Variants in AGO1 observed in about 807,000 individuals in gnomAD.
AGO1 encodes protein argonaute-1.
AGO1 carries 11 observed loss-of-function variants against 109.2 expected under a neutral mutation model. That is an observed-to-expected ratio of 0.10 (90% CI 0.06 to 0.17). The LOEUF (loss-of-function observed/expected upper bound fraction) is 0.17. Among genes scored for constraint, AGO1 ranks in the 10% least tolerant of loss-of-function variants. AGO1 has a pLI of 1.00. For missense variants in AGO1, 574 were observed against 1,140.3 expected (o/e 0.50, Z 7.15); for synonymous variants, 422 against 418.6 (o/e 1.01, Z -0.10).
Position 35,907,243 on chromosome 1 carries a change from T to C in AGO1, c.1582+124T>C, listed in dbSNP as rs545626765. ...GACCAGAGCTGTTACTTAATGTCAG[T>C]GCTCCTCTTATAGGAGAAATAGCAT... is the stretch of plus-strand genomic sequence containing the variant. On this transcript the variant is annotated intron_variant, in intron 12 of 18. Coordinates refer to ENST00000373204, the MANE Select transcript of AGO1 (RefSeq NM_012199.5). 32 of 866,110 alleles carry C rather than the reference T, an allele frequency of 3.7e-5. No homozygotes were observed. The South Asian group carries it at 7.6e-4, about 20-fold the overall frequency. The allele number at this position is 866,110 out of a possible 1,614,324, so 53.7% of individuals were successfully genotyped here. A position where few individuals can be genotyped will look rare whatever the true frequency, so the allele number is the denominator to read the frequency against.
intron 17 of AGO1, 35 bp downstream of exon 17, chr1:35,918,458 A>G: frequency 6.7e-7 from 1 of 1,502,964 alleles, no homozygotes; most frequent in Non-Finnish European, 9.3e-7. Context: ...CCAATGGGTC[A>G]AAGATGAGTT....
chr1:35,886,216 C>T (rs534707104), intron 1 of AGO1, among the ~76,000 whole-genome samples: 9 of 152,228 alleles, frequency 5.9e-5, no homozygotes, highest in South Asian at 4.2e-4. Context: ...TGTGCTGGGG[C>T]CCTCATCTGC....
chr1:35,911,070 G>GA lies in AGO1; in HGVS notation c.1583-2762dup, dbSNP rs150487636. ...AACAGAGGAAGACTCTGTCTCAAAA[G>GA]AAAAAAAAAATAATAATAATGCTTC... is the stretch of plus-strand genomic sequence containing the variant. On this transcript the variant is annotated intron_variant, in intron 12 of 18. Transcript: ENST00000373204. 7.0e-3 allele frequency among the ~76,000 whole-genome samples: 1,044 copies of GA among 148,556 alleles called. 9 individuals are homozygous for GA. The highest frequency in any genetic ancestry group is 0.022 in the African/African-American group (906 of 40,688).
intron 13 of AGO1, 72 bp from the exon 14 acceptor site, chr1:35,914,112 G>T: frequency 6.3e-7 from 1 of 1,593,206 alleles, no homozygotes. Flanking sequence ...GAGAAGAGCA[G>T]AGTGGGTACT....
In AGO1 at chr1:35,920,445, G is replaced by T. The variant is rs1366224993; in HGVS notation, c.*838G>T. The T allele has an allele frequency of 6.6e-6, 1 of 152,470 alleles. No homozygotes were observed. The allele number at this position is 152,470 out of a possible 1,614,324, so 9.4% of individuals were successfully genotyped here. ...TTTGTACCTTTCTTTGGGGAATGGG[G>T]TGGGGGTGGGAGAGGAGGTAGATGG... On this transcript the variant is annotated 3_prime_UTR_variant, in exon 19 of 19. Coordinates refer to ENST00000373204, the MANE Select transcript of AGO1 (RefSeq NM_012199.5).
In AGO1 at chr1:35,893,881, C is replaced by T. The variant is rs1372286675; in HGVS notation, c.649+71C>T. On this transcript the variant is annotated intron_variant, in intron 5 of 18. Coordinates refer to ENST00000373204, the MANE Select transcript of AGO1 (RefSeq NM_012199.5). The surrounding 1 kb of genome is among the most constrained non-coding windows in gnomAD (Gnocchi z 5.6). ...ACCACACTCCCAGCCTCATCCCTCCCAGCTCTGCAACCACACTCCTAGTCT... is the reference window on the plus strand; with the variant it reads ...ACCACACTCCCAGCCTCATCCCTCCTAGCTCTGCAACCACACTCCTAGTCT... 1 of 1,561,206 alleles carries T rather than the reference C, an allele frequency of 6.4e-7. No individual in the cohort carries two copies. Among genetic ancestry groups the T allele is most frequent in the African/African-American group, 1.3e-5 (1 of 74,090 alleles).
intron 11 of AGO1, among the ~76,000 whole-genome samples, chr1:35,902,551 G>T (rs1403095050): frequency 1.3e-5 from 2 of 152,160 alleles, no homozygotes; most frequent in Non-Finnish European, 2.9e-5. Flanking sequence ...CAAAGATGAT[G>T]ATTTTAGGGC....
chr1:35,893,539 C>A lies in AGO1; in HGVS notation c.513-135C>A, dbSNP rs1645261053. On this transcript the variant is annotated intron_variant, in intron 4 of 18. Transcript: ENST00000373204. This position sits in a 1 kb window ranked among gnomAD's most constrained non-coding sequence, Gnocchi z 5.6. ...AGAAACTTGTACAAGGTCAGTCATA[C>A]AACTAGTAAAGCATCAGAGCTGGCA... is the stretch of plus-strand genomic sequence containing the variant. 5 of 985,914 alleles carry A rather than the reference C, an allele frequency of 5.1e-6. No individual in the cohort carries two copies. In the South Asian group the frequency reaches 8.5e-5, roughly 17 times the overall value. The allele number at this position is 985,914 out of a possible 1,614,324, so 61.1% of individuals were successfully genotyped here.
At chr1:35,880,269 A>G (rs1328283579), upstream of AGO1, among the ~76,000 whole-genome samples, 1 of 151,330 alleles carries the variant, frequency 6.6e-6, no homozygotes, top group Non-Finnish European at 1.5e-5. Flanking sequence ...CCCTAGTGTA[A>G]CTGAGCTGGG....
chr1:35,919,456 C>T lies in AGO1; in HGVS notation c.2466-43C>T, dbSNP rs1173985172. 6.4e-7 allele frequency: 1 copy of T among 1,565,776 alleles called. No homozygotes were observed. Among genetic ancestry groups the T allele is most frequent in the African/African-American group, 1.3e-5 (1 of 74,218 alleles). ...CTGGGCGAGGGAATTAGCAGCAGCTCTCAGTTCACCAGGAAGGACTTCTTT... is the reference window on the plus strand; with the variant it reads ...CTGGGCGAGGGAATTAGCAGCAGCTTTCAGTTCACCAGGAAGGACTTCTTT... On this transcript the variant is annotated intron_variant, in intron 18 of 18. Transcript: ENST00000373204. The surrounding 1 kb of genome is among the most constrained non-coding windows in gnomAD (Gnocchi z 6.6).
rs1317992227 is a variant in AGO1, at chr1:35,872,037, T to G, written c.-201+2134T>G. On this transcript the variant is annotated intron_variant, in intron 1 of 18. Transcript: ENST00000373206. Reference sequence around the variant, plus strand: ...GTGAGCCAAGATTGCACCACTGCACTCCAGCCTGGGCGACAGAGCGAGACT... The same window carrying G: ...GTGAGCCAAGATTGCACCACTGCACGCCAGCCTGGGCGACAGAGCGAGACT... Among the ~76,000 whole-genome samples, 8 of 137,020 alleles carry G rather than the reference T, an allele frequency of 5.8e-5. No individual in the cohort carries two copies. The East Asian group carries it at 1.6e-3, about 27-fold the overall frequency. The allele number at this position is 137,020 out of a possible 152,430, so 89.9% of individuals were successfully genotyped here.
At chr1:35,899,287 C>T (rs1437368719) in intron 8 of AGO1, among the ~76,000 whole-genome samples, 2 of 152,178 alleles carry the variant, frequency 1.3e-5, no homozygotes, top group African/African-American at 4.8e-5. Flanking sequence ...ATTCATTCAT[C>T]TATCCATGGA....
chr1:35,904,119 T>C (rs1645473555), intron 11 of AGO1, among the ~76,000 whole-genome samples: 2 of 146,142 alleles, frequency 1.4e-5, no homozygotes, highest in African/African-American at 5.1e-5. Flanking sequence ...TTTTTTTTTT[T>C]TTTTTTTTTT....
rs140889431 is a variant in AGO1, at chr1:35,890,104, C to T, written c.209+1494C>T. Among the ~76,000 whole-genome samples the T allele has an allele frequency of 1.4e-3, 207 of 152,120 alleles. 2 individuals are homozygous for T. The highest frequency in any genetic ancestry group is 4.5e-3 in the African/African-American group (188 of 41,496). ...GTGGCGTGATCTCGGCTCACTGCAACCTCTGCCTCCCGGGTTCAAGCGATT... is the reference window on the plus strand; with the variant it reads ...GTGGCGTGATCTCGGCTCACTGCAATCTCTGCCTCCCGGGTTCAAGCGATT... On this transcript the variant is annotated intron_variant, in intron 2 of 18. Coordinates refer to ENST00000373204, the MANE Select transcript of AGO1 (RefSeq NM_012199.5).
chr1:35,880,921 A>G (rs191569538), upstream of AGO1, among the ~76,000 whole-genome samples: 1 of 152,248 alleles, frequency 6.6e-6, no homozygotes, highest in African/African-American at 2.4e-5. Flanking sequence ...TGGTCTCCCA[A>G]AGTGCTGAGA....
chr1:35,870,848 T>G (rs1299929491), intron 1 of AGO1, among the ~76,000 whole-genome samples: 1 of 152,238 alleles, frequency 6.6e-6, no homozygotes, highest in Non-Finnish European at 1.5e-5. Flanking sequence ...AACCACATAG[T>G]TTACTTTTGC....
rs1645063342 is a variant in AGO1 at position 35,883,436 on chromosome 1, C to T, written c.15C>T (p.Pro5=). The change falls in exon 1 of 19, where the codon CCC becomes CCT. Residue 5 remains proline, a synonymous_variant. Coordinates refer to ENST00000373204, the MANE Select transcript of AGO1 (RefSeq NM_012199.5). This position sits in a 1 kb window ranked among gnomAD's most constrained non-coding sequence, Gnocchi z 5.4. The part of the protein sequence containing the change: MEAG[P]SGAAAGAYLP... ...GGGTATATGGGATGGAAGCGGGACC[C>T]TCGGGAGCAGGTAAGGGTCCCCAGG... 7.6e-6 allele frequency: 12 copies of T among 1,570,560 alleles called. 1 individual carries two copies. The East Asian group carries it at 3.1e-4, about 40-fold the overall frequency.
At position 35,883,282 on chromosome 1, in the gene AGO1, G is replaced by A; in HGVS notation, c.-140G>A. 11 of 1,410,290 alleles carry A rather than the reference G, an allele frequency of 7.8e-6. No individual in the cohort carries two copies. The highest frequency in any genetic ancestry group is 8.3e-6 in the Non-Finnish European group (9 of 1,082,578). 87.4% of individuals were successfully genotyped at this position (1,410,290 alleles called of 1,614,324 possible). ...GGCGGCGGCAACGGAGGCTGCGGGG[G>A]CGGCGGCGCGAGCGGCCGGGCTTGG... On this transcript the variant is annotated 5_prime_UTR_variant, in exon 1 of 19. Coordinates refer to ENST00000373204, the MANE Select transcript of AGO1 (RefSeq NM_012199.5). The surrounding 1 kb of genome is among the most constrained non-coding windows in gnomAD (Gnocchi z 5.4).
At chr1:35,911,258 AAG>A (rs1369094952) in intron 12 of AGO1, among the ~76,000 whole-genome samples, 1 of 152,226 alleles carries the variant, frequency 6.6e-6, no homozygotes, top group African/African-American at 2.4e-5. Flanking sequence ...TCTCAAGAAA[AAG>A]AAAAATGAAA....
Sources: gnomAD v4.1 joint callset for allele counts (sites outside exome capture counted in the v4.1 genomes callset) on GRCh38, gnomAD v4.1.1 for gene constraint, Gnocchi (gnomAD v3.1) non-coding constraint, MANE v1.5 for transcripts, NCBI Gene and HGNC (gene_info 2026-07-23, HGNC 2026-07-21) for gene names.